TACC1: variants seen among roughly 807,000 people sequenced by gnomAD.
TACC1 encodes the protein transforming acidic coiled-coil containing protein 1.
A neutral mutation model predicts 84.4 loss-of-function variants in TACC1; 48 were observed. The observed-to-expected ratio is 0.57, with a 90% CI of 0.45 to 0.72. TACC1 has a LOEUF of 0.72. Among genes scored for constraint, TACC1 ranks in the 30% least tolerant of loss-of-function variants. The pLI is 0.00. For missense variants in TACC1, 920 were observed against 973.0 expected (o/e 0.95, Z 0.72); for synonymous variants, 372 against 376.3 (o/e 0.99, Z 0.13).
At chr8:38,749,720 T>C (rs370961752) in intron 3 of TACC1, among the ~76,000 whole-genome samples, 4 of 152,152 alleles carry the variant, frequency 2.6e-5, no homozygotes, top group African/African-American at 9.6e-5. Context: ...GCCTCCTGAG[T>C]AGCTGGGATT....
intron 1 of TACC1, among the ~76,000 whole-genome samples, chr8:38,729,589 C>A (rs956182269): frequency 6.6e-6 from 1 of 152,172 alleles, no homozygotes; most frequent in African/African-American, 2.4e-5. Flanking sequence ...TCTTGTGTGG[C>A]CGGGCGCGGT....
chr8:38,849,250 T>C lies in TACC1; in HGVS notation c.*1227T>C, dbSNP rs1832791427. On this transcript the variant is annotated 3_prime_UTR_variant, in exon 13 of 13. Transcript: ENST00000317827. ...CATATTTTTAAACAAAGACAGCTTG[T>C]TGAATACTGAGAAGAGGAGTGCAAG... The C allele has an allele frequency of 6.6e-6, 1 of 152,208 alleles. No individual in the cohort carries two copies. The highest frequency in any genetic ancestry group is 2.4e-5 in the African/African-American group (1 of 41,442). 9.4% of individuals were successfully genotyped at this position (152,208 alleles called of 1,614,324 possible). A position where few individuals can be genotyped will look rare whatever the true frequency, so the allele number is the denominator to read the frequency against.
intron 3 of TACC1, chr8:38,824,041 G>T (rs768093112): frequency 5.2e-6 from 7 of 1,351,716 alleles, no homozygotes; most frequent in Non-Finnish European, 6.9e-6. Flanking sequence ...TACTCCTGCT[G>T]TTTCTTTAGT....
At chr8:38,757,663 C>T (rs990755748) in intron 3 of TACC1, among the ~76,000 whole-genome samples, 12 of 152,056 alleles carry the variant, frequency 7.9e-5, no homozygotes, top group Admixed American at 2.0e-4. Context: ...TGCCCCAGTA[C>T]ACGCTGTACT....
rs1046101246 is a variant in TACC1 at position 38,849,293 on chromosome 8, C to T, written c.*1270C>T. The T allele has an allele frequency of 2.6e-5, 4 of 152,202 alleles. No individual in the cohort carries two copies. Among genetic ancestry groups the T allele is most frequent in the African/African-American group, 9.6e-5 (4 of 41,460 alleles). The allele number at this position is 152,202 out of a possible 1,614,324, so 9.4% of individuals were successfully genotyped here. A position where few individuals can be genotyped will look rare whatever the true frequency, so the allele number is the denominator to read the frequency against. ...AGTGCAAGGAGAAGGTCTGTACTAA[C>T]AAAGCCAAATTCCTCAAGCTCTTAC... On this transcript the variant is annotated 3_prime_UTR_variant, in exon 13 of 13. Transcript: ENST00000317827.
chr8:38,836,031 C>T (rs1340725867), intron 6 of TACC1, 131 bp from the exon 7 acceptor site: 12 of 1,232,538 alleles, frequency 9.7e-6, no homozygotes, highest in African/African-American at 3.1e-5. Flanking sequence ...TAAAAAGCTT[C>T]CCCCCGCTGA....
intron 11 of TACC1, 147 bp from the exon 12 acceptor site, chr8:38,846,552 C>T: frequency 1.2e-6 from 1 of 843,100 alleles, no homozygotes; most frequent in Middle Eastern, 2.5e-4. Flanking sequence ...TTATTTAGGT[C>T]ACCGATTTTT....
intron 1 of TACC1, among the ~76,000 whole-genome samples, chr8:38,729,084 A>AT (rs5891042): frequency 0.37 from 56,929 of 151,836 alleles, 11,692 homozygotes; most frequent in East Asian, 0.89. Flanking sequence ...CTGGGAATAG[A>AT]TTCGGGGAGA....
chr8:38,760,742 G>A (rs981622839), intron 3 of TACC1, among the ~76,000 whole-genome samples: 1 of 152,032 alleles, frequency 6.6e-6, no homozygotes, highest in African/African-American at 2.4e-5. Flanking sequence ...GGCTGGTCTC[G>A]AACTCCTGAC....
upstream of TACC1, among the ~76,000 whole-genome samples, chr8:38,786,728 C>A (rs550745359): frequency 1.3e-5 from 2 of 151,972 alleles, no homozygotes; most frequent in Admixed American, 1.3e-4. Flanking sequence ...ATTTTCAAAT[C>A]CCGGGAATGC....
Position 38,788,819 on chromosome 8 carries a change from G to A in TACC1, c.277G>A (p.Glu93Lys), listed in dbSNP as rs1202125527. The change falls in exon 2 of 13, where the codon GAA becomes AAA. Residue 93 changes from glutamate (E) to lysine (K), a missense_variant and splice_region_variant. Physicochemically the swap from Glu to Lys is moderately conservative, Grantham distance 56. Transcript: ENST00000317827. ...GGCAGGACCTGGGGCCAAAAGCCAA[G>A]GTAAAGAAAAACTTGCATTTTTCCT... Reference protein sequence around the residue: ...GLAGPGAKSQESQEADEQLVA... With the variant: ...GLAGPGAKSQKSQEADEQLVA... 2 of 1,593,512 alleles carry A rather than the reference G, an allele frequency of 1.3e-6. No homozygotes were observed. Among genetic ancestry groups the A allele is most frequent in the South Asian group, 2.3e-5 (2 of 86,684 alleles).
chr8:38,744,369 G>A (rs1397016238), intron 2 of TACC1, among the ~76,000 whole-genome samples: 1 of 152,114 alleles, frequency 6.6e-6, no homozygotes, highest in Non-Finnish European at 1.5e-5. Flanking sequence ...ACCCGTCTCA[G>A]CCTCCCAAAG....
At chr8:38,836,768 C>G (rs1830325226) in intron 7 of TACC1, among the ~76,000 whole-genome samples, 1 of 152,148 alleles carries the variant, frequency 6.6e-6, no homozygotes, top group Non-Finnish European at 1.5e-5. Context: ...CTAGGCCTTT[C>G]CTGGTTATCT....
intron 2 of TACC1, among the ~76,000 whole-genome samples, chr8:38,810,455 T>C (rs1823821349): frequency 6.6e-6 from 1 of 151,862 alleles, no homozygotes; most frequent in Admixed American, 6.6e-5. Flanking sequence ...TTTTTTTAAT[T>C]AGCTGGGCAC....
At chr8:38,796,978 CG>C (rs2152049130) in intron 2 of TACC1, among the ~76,000 whole-genome samples, 1 of 152,310 alleles carries the variant, frequency 6.6e-6, no homozygotes, top group East Asian at 1.9e-4. Flanking sequence ...GTCAAGATGT[CG>C]GCTGGGACTG....
chr8:38,728,964 CTTTAT>C (rs1804373833), intron 1 of TACC1, among the ~76,000 whole-genome samples: 1 of 152,136 alleles, frequency 6.6e-6, no homozygotes, highest in South Asian at 2.1e-4. Context: ...TTGCTCTTTT[CTTTAT>C]TTTCTTTTCT....
At chr8:38,745,944 C>G (rs1198148054) in intron 3 of TACC1, among the ~76,000 whole-genome samples, 5 of 152,202 alleles carry the variant, frequency 3.3e-5, no homozygotes, top group African/African-American at 1.2e-4. Context: ...CTCCTGGGCT[C>G]AAGCAATCCT....
intron 11 of TACC1, among the ~76,000 whole-genome samples, chr8:38,844,594 G>T (rs1215671020): frequency 6.6e-6 from 1 of 151,916 alleles, no homozygotes; most frequent in Admixed American, 6.6e-5. Context: ...TCTATTCTTT[G>T]CCCATTTTCC....
At chr8:38,760,367 G>A (rs767885654) in intron 3 of TACC1, among the ~76,000 whole-genome samples, 6 of 152,196 alleles carry the variant, frequency 3.9e-5, no homozygotes, top group South Asian at 2.1e-4. Context: ...CAAGGAGGCC[G>A]TACAGGAAGG....
Sources: allele counts gnomAD v4.1 joint callset (sites outside exome capture counted in the v4.1 genomes callset), GRCh38; gene constraint gnomAD v4.1.1; transcripts MANE v1.5; gene names NCBI Gene and HGNC (gene_info 2026-07-23, HGNC 2026-07-21).